Variants in MCF2L2 observed in about 807,000 individuals in gnomAD.
The protein encoded by MCF2L2 is MCF.2 cell line derived transforming sequence-like 2.
In MCF2L2, 102 loss-of-function variants were observed where a neutral mutation model predicts 150.2. That is an observed-to-expected ratio of 0.68 (90% CI 0.58 to 0.80). The LOEUF (loss-of-function observed/expected upper bound fraction) is 0.80. Among genes scored for constraint, MCF2L2 ranks in the 30% least tolerant of loss-of-function variants. MCF2L2 has a pLI of 0.00. For missense variants in MCF2L2, 1,256 were observed against 1,372.8 expected, an observed-to-expected ratio of 0.91 and a Z score of 1.34; for synonymous variants, 465 against 491.3, an observed-to-expected ratio of 0.95 and a Z score of 0.71.
chr3:183,350,898 C>A (rs1477477936), intron 3 of MCF2L2, among the ~76,000 whole-genome samples: 1 of 148,282 alleles, frequency 6.7e-6, no homozygotes, highest in Non-Finnish European at 1.5e-5. Context: ...AGCGAGACTC[C>A]GTCTCAAAAA....
At chr3:183,253,017 C>T (rs6809841) in intron 15 of MCF2L2, among the ~76,000 whole-genome samples, 19,318 of 152,236 alleles carry the variant, frequency 0.13, 2,618 homozygotes, top group African/African-American at 0.35. Flanking sequence ...TGCACTCTGG[C>T]TTCCAGTTGG....
intron 3 of MCF2L2, among the ~76,000 whole-genome samples, chr3:183,361,011 A>AGACC (rs1712131666): frequency 1.6e-5 from 2 of 125,188 alleles, no homozygotes; most frequent in African/African-American, 7.2e-5. Flanking sequence ...AAGAAAAGAA[A>AGACC]AGAAAAGAAA....
Position 183,179,792 on chromosome 3 carries a change from C to T in MCF2L2, c.3106-100G>A, listed in dbSNP as rs994711559. 9.5e-7 allele frequency: 1 copy of T among 1,052,384 alleles called. No individual in the cohort carries two copies. The highest frequency in any genetic ancestry group is 1.6e-5 in the African/African-American group (1 of 63,494). The allele number at this position is 1,052,384 out of a possible 1,614,324, so 65.2% of individuals were successfully genotyped here. ...CCCGCTGGCAGGCTGAGGCCCACCC[C>T]AGCCCTCCCACCTGGGCCACGGGGC... On this transcript the variant is annotated intron_variant, in intron 28 of 29. Transcript: ENST00000328913. The surrounding 1 kb of genome is among the most constrained non-coding windows in gnomAD (Gnocchi z 4.2).
In MCF2L2 at chr3:183,300,155, G is replaced by T. The variant is rs1326785618; in HGVS notation, c.1155C>A (p.Asp385Glu). The change falls in exon 11 of 30, where the codon GAC (aspartate) becomes GAA (glutamate). Residue 385 changes from aspartate to glutamate, a missense_variant. Coordinates refer to ENST00000328913, the MANE Select transcript of MCF2L2 (RefSeq NM_015078.4). Reference sequence around the variant, plus strand: ...CATAATGGTGGCTTTGGATGAGCTGGTCCCCAACCAGTGCCAGCAGCTGGG... The same window carrying T: ...CATAATGGTGGCTTTGGATGAGCTGTTCCCCAACCAGTGCCAGCAGCTGGG... ...EKAQLLALVG[D>E]QLIQSHHYAA... 6.2e-7 allele frequency: 1 copy of T among 1,611,394 alleles called. No individual in the cohort carries two copies. The highest frequency in any genetic ancestry group is 1.3e-5 in the African/African-American group (1 of 74,678).
intron 21 of MCF2L2, among the ~76,000 whole-genome samples, chr3:183,218,122 A>G (rs906748565): frequency 1.1e-4 from 17 of 152,196 alleles, no homozygotes; most frequent in African/African-American, 4.1e-4. Flanking sequence ...ATGTAGTCAC[A>G]GGGTTTAATA....
chr3:183,267,532 G>A lies in MCF2L2; in HGVS notation c.1862+9340C>T, dbSNP rs537802094. Among the ~76,000 whole-genome samples the A allele has an allele frequency of 3.3e-5, 5 of 152,340 alleles. No homozygotes were observed. The highest frequency in any genetic ancestry group is 2.1e-4 in the South Asian group (1 of 4,828). Reference sequence around the variant, plus strand: ...GGTTTTCTATCAGGGGTCAACCGGCGGGGGGACTTGAGAACAGATCTCTGG... The same window carrying A: ...GGTTTTCTATCAGGGGTCAACCGGCAGGGGGACTTGAGAACAGATCTCTGG... On this transcript the variant is annotated intron_variant, in intron 15 of 29. Transcript: ENST00000328913. This position sits in a 1 kb window ranked among gnomAD's most constrained non-coding sequence, Gnocchi z 5.5.
intron 3 of MCF2L2, among the ~76,000 whole-genome samples, chr3:183,367,803 TGAGA>T (rs959945681): frequency 5.3e-5 from 8 of 151,826 alleles, no homozygotes; most frequent in East Asian, 3.9e-4. Context: ...AATGAGAGAA[TGAGA>T]GAGAGTGAGG....
At chr3:183,229,815 C>T in intron 16 of MCF2L2, 34 bp from the exon 17 acceptor site, 1 of 909,790 alleles carries the variant, frequency 1.1e-6, no homozygotes, top group Non-Finnish European at 1.8e-6. Context: ...GTGTTACAAA[C>T]AGGAACATAC....
At chr3:183,269,292 A>G (rs1726495750) in intron 15 of MCF2L2, among the ~76,000 whole-genome samples, 1 of 140,862 alleles carries the variant, frequency 7.1e-6, no homozygotes, top group Non-Finnish European at 1.5e-5. Flanking sequence ...GAATGGGAAG[A>G]CAGTGTAAAG....
At chr3:183,234,115 G>A (rs898289121) in intron 15 of MCF2L2, among the ~76,000 whole-genome samples, 2 of 152,128 alleles carry the variant, frequency 1.3e-5, no homozygotes, top group African/African-American at 4.8e-5. Flanking sequence ...GGAAGTACAG[G>A]CCTCAATACC....
intron 3 of MCF2L2, chr3:183,376,113 T>C (rs1259241150): frequency 6.6e-6 from 1 of 152,216 alleles, no homozygotes; most frequent in Non-Finnish European, 1.5e-5. Flanking sequence ...AAATATTCCC[T>C]AGGTCACAAG....
At chr3:183,374,258 C>T (rs1713060524) in intron 3 of MCF2L2, 1 of 152,322 alleles carries the variant, frequency 6.6e-6, no homozygotes, top group Non-Finnish European at 1.5e-5. Flanking sequence ...CTTTTTCCAG[C>T]CCTCGTTTCT....
chr3:183,412,286 TG>T (rs952135600), intron 1 of MCF2L2, among the ~76,000 whole-genome samples: 1 of 144,408 alleles, frequency 6.9e-6, no homozygotes, highest in Non-Finnish European at 1.5e-5. Context: ...TTTGTTTGTT[TG>T]TTTGTTGTTG....
chr3:183,310,882 A>T, intron 9 of MCF2L2, 33 bp downstream of exon 9: 2 of 1,480,080 alleles, frequency 1.4e-6, no homozygotes, highest in Non-Finnish European at 1.9e-6. Flanking sequence ...CCGGTACCAG[A>T]AAAGAAAGTT....
intron 10 of MCF2L2, among the ~76,000 whole-genome samples, chr3:183,301,100 C>A (rs1728824922): frequency 6.6e-6 from 1 of 151,462 alleles, no homozygotes. Flanking sequence ...CTGACCCTGT[C>A]TGCTCAATCA....
intron 21 of MCF2L2, among the ~76,000 whole-genome samples, chr3:183,219,238 C>T (rs1218592195): frequency 6.6e-6 from 1 of 152,180 alleles, no homozygotes; most frequent in Non-Finnish European, 1.5e-5. Flanking sequence ...AGGAAAGCCA[C>T]AGCAGACATT....
chr3:183,297,127 G>C lies in MCF2L2; in HGVS notation c.1346C>G (p.Ser449Cys), dbSNP rs772418125. The C allele has an allele frequency of 6.2e-7, 1 of 1,614,108 alleles. No individual in the cohort carries two copies. The highest frequency in any genetic ancestry group is 8.5e-7 in the Non-Finnish European group (1 of 1,180,006). Residue 449 changes from serine to cysteine, a missense_variant, in exon 12 of 30, where the codon TCC becomes TGC. Ser to Cys is a moderately radical substitution (Grantham distance 112, BLOSUM62 -1). Coordinates refer to ENST00000328913, the MANE Select transcript of MCF2L2 (RefSeq NM_015078.4). ...WCEAGIYLLA[S>C]QAVDKCQSRE... ...AGACTGGCACTTGTCTACAGCTTGG[G>C]AAGCCAAGAGGTAGATTCCTGCCTC...
Position 183,326,509 on chromosome 3 carries a change from A to C in MCF2L2, c.487-3158T>G, listed in dbSNP as rs535641873. 3.0e-3 allele frequency among the ~76,000 whole-genome samples: 403 copies of C among 132,572 alleles called. 4 individuals carry two copies. Among genetic ancestry groups the C allele is most frequent in the African/African-American group, 0.011 (348 of 32,518 alleles). 87.0% of individuals were successfully genotyped at this position (132,572 alleles called of 152,430 possible). A position where few individuals can be genotyped will look rare whatever the true frequency, so the allele number is the denominator to read the frequency against. On this transcript the variant is annotated intron_variant, in intron 5 of 29. Coordinates refer to ENST00000328913, the MANE Select transcript of MCF2L2 (RefSeq NM_015078.4). Reference sequence around the variant, plus strand: ...CTCCGTCTCAAAAAAAAAAAAAAAAAAAAAAAACAAAAAAAAACCCACAAA... The same window carrying C: ...CTCCGTCTCAAAAAAAAAAAAAAAACAAAAAAACAAAAAAAAACCCACAAA...
rs770555517 is a variant in MCF2L2 at position 183,195,228 on chromosome 3, C to G, written c.2912G>C (p.Ser971Thr). The G allele has an allele frequency of 1.2e-6, 2 of 1,605,160 alleles. No homozygotes were observed. Among genetic ancestry groups the G allele is most frequent in the Non-Finnish European group, 1.7e-6 (2 of 1,177,064 alleles). Residue 971 changes from serine (S) to threonine (T), a missense_variant, in exon 26 of 30, where the codon AGC becomes ACC. Ser to Thr is a moderately conservative substitution (Grantham distance 58). Transcript: ENST00000328913. Reference protein sequence around the residue: ...KDQGNPQFEMSTSKGSGAGSG... With the variant: ...KDQGNPQFEMTTSKGSGAGSG... ...TAAAAAAATCAGTACTCACCTCGTG[C>G]TCATTTCAAACTGTGGATTTCCTTG...
Sources: allele counts gnomAD v4.1 joint callset (sites outside exome capture counted in the v4.1 genomes callset), GRCh38; gene constraint gnomAD v4.1.1; non-coding constraint Gnocchi (gnomAD v3.1); transcripts MANE v1.5; gene names NCBI Gene and HGNC (gene_info 2026-07-23, HGNC 2026-07-21).